The following GLIS3 variants were observed in gnomAD, a reference collection of about 807,000 sequenced individuals.
The protein encoded by GLIS3 is GLIS family zinc finger 3, also known as zinc finger protein GLIS3.
GLIS3 carries 53 observed loss-of-function variants against 78.6 expected under a neutral mutation model. The observed-to-expected ratio is 0.67, with a 90% CI of 0.54 to 0.85. The LOEUF (loss-of-function observed/expected upper bound fraction) is 0.85, where lower values mean the gene tolerates loss of function less well. Among genes scored for constraint, GLIS3 ranks in the 40% least tolerant of loss-of-function variants. The pLI is 0.00. For missense variants in GLIS3, 1,703 were observed against 1,231.1 expected, an observed-to-expected ratio of 1.38 and a Z score of -5.74; for synonymous variants, 684 against 509.9, an observed-to-expected ratio of 1.34 and a Z score of -4.60.
At chr9:4,372,138 G>A in the GLIS3 span, among the ~76,000 whole-genome samples, 1,712 of 152,274 alleles carry the variant, frequency 0.011, 11 homozygotes, top group Non-Finnish European at 0.018. Context: ...AGTGTCCTGA[G>A]GCAGGAGGAA....
intron 2 of GLIS3, among the ~76,000 whole-genome samples, chr9:4,283,419 C>G (rs1161551872): frequency 6.6e-6 from 1 of 152,120 alleles, no homozygotes; most frequent in East Asian, 1.9e-4. Context: ...GCGCCCACCA[C>G]CACACCCGGC....
In GLIS3 at chr9:3,828,978, C is replaced by T. The variant is rs537319469; in HGVS notation, c.2656+332G>A. On this transcript the variant is annotated intron_variant, in intron 10 of 10. Transcript: ENST00000381971. ...TTAATATATTTGAGCAGAAAAGAGG[C>T]ATATTTTATCCTTCATTTTGGGGAG... Among the ~76,000 whole-genome samples the T allele has an allele frequency of 2.0e-5, 3 of 152,158 alleles. No individual in the cohort carries two copies. The East Asian group carries it at 5.8e-4, about 29-fold the overall frequency.
In GLIS3 at chr9:4,276,249, C is replaced by T. The variant is rs1471969155; in HGVS notation, c.388+9789G>A. On this transcript the variant is annotated intron_variant, in intron 2 of 10. Coordinates refer to ENST00000381971, the MANE Select transcript of GLIS3 (RefSeq NM_001042413.2). The stretch of plus-strand genomic sequence containing the variant: ...AGTGAGCCCAGATAGTGCCAGTGCA[C>T]TGGGCAACAGAGTAAGACTGAAAGA... 3.5e-5 allele frequency among the ~76,000 whole-genome samples: 5 copies of T among 143,888 alleles called. No individual in the cohort carries two copies. In the Admixed American group the frequency reaches 3.6e-4, roughly 10 times the overall value. 94.4% of individuals were successfully genotyped at this position (143,888 alleles called of 152,430 possible). A position where few individuals can be genotyped will look rare whatever the true frequency, so the allele number is the denominator to read the frequency against.
Position 4,328,028 on chromosome 9 carries a change from GTGT to G in GLIS3, n.265-17503_265-17501del, listed in dbSNP as rs1198509489. Reference sequence around the variant, plus strand: ...TGACTCATGTCGAATGCATGTTCCTGTGTTGTTCACTCTCCCACTCCTCACTGT... The same window carrying G: ...TGACTCATGTCGAATGCATGTTCCTGTGTTCACTCTCCCACTCCTCACTGT... On this transcript the variant is annotated intron_variant and non_coding_transcript_variant, in intron 2 of 4. Transcript: ENST00000471664. 4.6e-5 allele frequency among the ~76,000 whole-genome samples: 7 copies of G among 152,316 alleles called. No homozygotes were observed. In the South Asian group the frequency reaches 1.0e-3, roughly 23 times the overall value.
intron 4 of GLIS3, among the ~76,000 whole-genome samples, chr9:3,999,274 G>A (rs898090236): frequency 5.9e-5 from 9 of 152,106 alleles, no homozygotes; most frequent in African/African-American, 2.2e-4. Context: ...TTGTAGAGGT[G>A]TTTCATCAAG....
intron 4 of GLIS3, among the ~76,000 whole-genome samples, chr9:3,991,579 A>G (rs750170921): frequency 1.3e-5 from 2 of 151,678 alleles, no homozygotes; most frequent in Non-Finnish European, 1.5e-5. Flanking sequence ...GGAACTATTG[A>G]TACTTTCATT....
intron 2 of GLIS3, among the ~76,000 whole-genome samples, chr9:4,229,076 T>TA (rs1313873676): frequency 6.6e-6 from 1 of 152,070 alleles, no homozygotes; most frequent in African/African-American, 2.4e-5. Context: ...TTGTTAGGTG[T>TA]AAAAAACAAG....
the GLIS3 span, among the ~76,000 whole-genome samples, chr9:4,364,429 A>G: frequency 6.6e-6 from 1 of 152,078 alleles, no homozygotes; most frequent in Admixed American, 6.5e-5. Flanking sequence ...GAAATTGGTT[A>G]AATTGCTTCA....
chr9:4,329,165 G>A (rs1371842747), intron 2 of GLIS3, among the ~76,000 whole-genome samples: 3 of 152,110 alleles, frequency 2.0e-5, no homozygotes, highest in East Asian at 1.9e-4. Flanking sequence ...TACCTCTGTG[G>A]CCCTTCATTT....
At chr9:4,034,650 G>C (rs1057447856) in intron 4 of GLIS3, 1 of 152,214 alleles carries the variant, frequency 6.6e-6, no homozygotes, top group Admixed American at 6.5e-5. Context: ...AAGTCTTCAA[G>C]AAATTGTTTG....
intron 2 of GLIS3, 121 bp downstream of exon 2, chr9:4,285,917 C>T (rs1827946734): frequency 8.3e-7 from 1 of 1,205,634 alleles, no homozygotes; most frequent in East Asian, 2.3e-5. Flanking sequence ...CATTATGAGA[C>T]CATCATCTTT....
the GLIS3 span, among the ~76,000 whole-genome samples, chr9:4,457,953 T>C: frequency 2.0e-5 from 3 of 152,110 alleles, no homozygotes; most frequent in Non-Finnish European, 4.4e-5. Flanking sequence ...AGATGACCTT[T>C]GTGTACTTGT....
intron 2 of GLIS3, among the ~76,000 whole-genome samples, chr9:4,215,233 A>T (rs1407739409): frequency 6.6e-6 from 1 of 152,180 alleles, no homozygotes; most frequent in East Asian, 1.9e-4. Flanking sequence ...CCCCTCTGAA[A>T]GTCTCCAATT....
the GLIS3 span, among the ~76,000 whole-genome samples, chr9:4,390,902 T>G: frequency 6.6e-6 from 1 of 152,190 alleles, no homozygotes; most frequent in Non-Finnish European, 1.5e-5. Flanking sequence ...CGTACCTTTT[T>G]AAAAAAGTTA....
At chr9:4,170,407 T>C (rs1816275399) in intron 2 of GLIS3, among the ~76,000 whole-genome samples, 1 of 130,458 alleles carries the variant, frequency 7.7e-6, no homozygotes, top group Admixed American at 8.3e-5. Flanking sequence ...TTCCAGTCAA[T>C]TTTCCAAAAC....
At chr9:4,334,716 A>G (rs1288479899) in intron 2 of GLIS3, among the ~76,000 whole-genome samples, 2 of 152,062 alleles carry the variant, frequency 1.3e-5, no homozygotes, top group African/African-American at 4.8e-5. Flanking sequence ...TACTGCCCTT[A>G]TGAGTCACAG....
chr9:3,888,147 G>C (rs1252591730), intron 7 of GLIS3, among the ~76,000 whole-genome samples: 1 of 152,108 alleles, frequency 6.6e-6, no homozygotes, highest in African/African-American at 2.4e-5. Context: ...GGAGAAAGAC[G>C]GGGTAGACGT....
At chr9:4,230,607 C>G (rs1254658952) in intron 2 of GLIS3, among the ~76,000 whole-genome samples, 1 of 152,148 alleles carries the variant, frequency 6.6e-6, no homozygotes, top group Non-Finnish European at 1.5e-5. Flanking sequence ...CTCGATGCAT[C>G]TGTGATACTG....
chr9:3,973,946 CTATGTTAGAT>C (rs1256009840), intron 4 of GLIS3, among the ~76,000 whole-genome samples: 1 of 152,072 alleles, frequency 6.6e-6, no homozygotes, highest in East Asian at 1.9e-4. Context: ...CCTCACAGAT[CTATGTTAGAT>C]TTCTTAAAAG....
Sources: allele counts gnomAD v4.1 joint callset (sites outside exome capture counted in the v4.1 genomes callset), GRCh38; gene constraint gnomAD v4.1.1; transcripts MANE v1.5; gene names NCBI Gene and HGNC (gene_info 2026-07-23, HGNC 2026-07-21).